Variants in PLCB1 observed in about 807,000 individuals in gnomAD.
PLCB1 encodes phospholipase C beta 1, also known as 1-phosphatidylinositol 4,5-bisphosphate phosphodiesterase beta-1.
PLCB1 carries 46 observed loss-of-function variants against 161.8 expected under a neutral mutation model. The observed-to-expected ratio is 0.28, with a 90% CI of 0.22 to 0.36. The LOEUF is 0.36. Among genes scored for constraint, PLCB1 ranks in the 10% least tolerant of loss-of-function variants. The pLI is 1.00. For missense variants in PLCB1, 1,016 were observed against 1,472.5 expected (o/e 0.69, Z 5.07); for synonymous variants, 517 against 503.7 (o/e 1.03, Z -0.35).
chr20:8,321,350 C>T (rs1984911745), intron 2 of PLCB1, among the ~76,000 whole-genome samples: 1 of 152,168 alleles, frequency 6.6e-6, no homozygotes, highest in Non-Finnish European at 1.5e-5. Context: ...CATCATACCT[C>T]TTATTGTTGT....
intron 3 of PLCB1, among the ~76,000 whole-genome samples, chr20:8,434,971 C>T (rs1024794848): frequency 6.6e-6 from 1 of 152,228 alleles, no homozygotes. Context: ...CACACACATA[C>T]AAACATTCTA....
chr20:8,190,521 G>T (rs1368936304), intron 2 of PLCB1, among the ~76,000 whole-genome samples: 1 of 152,114 alleles, frequency 6.6e-6, no homozygotes, highest in Non-Finnish European at 1.5e-5. Flanking sequence ...TATGATGGCA[G>T]AGCAAAGTGA....
intron 2 of PLCB1, among the ~76,000 whole-genome samples, chr20:8,202,467 G>A (rs1480139487): frequency 3.3e-5 from 5 of 152,270 alleles, no homozygotes; most frequent in South Asian, 4.1e-4. Context: ...GCTATTTTAT[G>A]TGTACACACA....
At chr20:8,734,000 C>T (rs776069555) in intron 19 of PLCB1, among the ~76,000 whole-genome samples, 38 of 148,688 alleles carry the variant, frequency 2.6e-4, no homozygotes, top group Non-Finnish European at 4.5e-4. Context: ...TGGTGGCGGG[C>T]GCCTGTAGTG....
intron 5 of PLCB1, among the ~76,000 whole-genome samples, chr20:8,647,452 C>T (rs1989199368): frequency 6.6e-6 from 1 of 152,124 alleles, no homozygotes; most frequent in African/African-American, 2.4e-5. Flanking sequence ...GATTGCTGGG[C>T]CTTAGCGTGT....
intron 3 of PLCB1, among the ~76,000 whole-genome samples, chr20:8,400,806 T>C (rs947693273): frequency 4.6e-5 from 7 of 152,116 alleles, no homozygotes; most frequent in Non-Finnish European, 1.0e-4. Flanking sequence ...TTGTTTCCGG[T>C]TTTTTGCTGC....
At chr20:8,239,903 G>T (rs544152734) in intron 2 of PLCB1, among the ~76,000 whole-genome samples, 1 of 152,030 alleles carries the variant, frequency 6.6e-6, no homozygotes, top group South Asian at 2.1e-4. Context: ...AAGGTTTTGG[G>T]TACAAATCTA....
At chr20:8,481,230 C>T (rs531647921) in intron 3 of PLCB1, among the ~76,000 whole-genome samples, 1 of 151,410 alleles carries the variant, frequency 6.6e-6, no homozygotes, top group East Asian at 1.9e-4. Context: ...ACCAGGCAGA[C>T]AAAAAAAACT....
At chr20:8,372,196 T>C (rs897972676) in intron 3 of PLCB1, 1 of 152,212 alleles carries the variant, frequency 6.6e-6, no homozygotes, top group Non-Finnish European at 1.5e-5. Context: ...AACATAGAAG[T>C]ACAGTTGCCA....
chr20:8,447,890 CTA>C (rs1459311867), intron 3 of PLCB1, among the ~76,000 whole-genome samples: 3 of 152,182 alleles, frequency 2.0e-5, no homozygotes, highest in Non-Finnish European at 2.9e-5. Flanking sequence ...ATTTCAGACT[CTA>C]TGTGTGTGTT....
At chr20:8,237,314 A>G (rs1980378424) in intron 2 of PLCB1, among the ~76,000 whole-genome samples, 1 of 152,042 alleles carries the variant, frequency 6.6e-6, no homozygotes, top group African/African-American at 2.4e-5. Flanking sequence ...TAAATAATAT[A>G]TAAATATGTT....
chr20:8,821,530 TATATATATATATATATATATATATATA>T (rs1985407590), intron 31 of PLCB1, among the ~76,000 whole-genome samples: 2 of 101,112 alleles, frequency 2.0e-5, no homozygotes, highest in Non-Finnish European at 3.5e-5. Flanking sequence ...TATATATATA[TATATATATATATATATATATATATATA>T]TTTAAATGAC....
chr20:8,664,368 G>GATACA (rs1296450582), intron 9 of PLCB1, among the ~76,000 whole-genome samples: 6 of 152,000 alleles, frequency 3.9e-5, no homozygotes, highest in Non-Finnish European at 5.9e-5. Flanking sequence ...TTTGGTTTTA[G>GATACA]GCAAAGTTCA....
intron 4 of PLCB1, among the ~76,000 whole-genome samples, chr20:8,634,408 A>T (rs1412937728): frequency 6.6e-6 from 1 of 152,046 alleles, no homozygotes; most frequent in Non-Finnish European, 1.5e-5. Flanking sequence ...TATGAGTGAG[A>T]TTTTCTGGAA....
intron 2 of PLCB1, among the ~76,000 whole-genome samples, chr20:8,197,348 G>A (rs2052036045): frequency 1.3e-5 from 2 of 152,038 alleles, no homozygotes; most frequent in Non-Finnish European, 2.9e-5. Context: ...TTTAATGATT[G>A]CCATTCTAAC....
intron 9 of PLCB1, among the ~76,000 whole-genome samples, chr20:8,684,577 G>GA (rs200540080): frequency 1.3e-5 from 2 of 151,736 alleles, no homozygotes; most frequent in African/African-American, 4.8e-5. Flanking sequence ...ACATTAATAA[G>GA]AAAAAAAATT....
chr20:8,733,834 T>G (rs1356739281), intron 19 of PLCB1, among the ~76,000 whole-genome samples: 1 of 147,456 alleles, frequency 6.8e-6, no homozygotes, highest in Non-Finnish European at 1.5e-5. Context: ...ATAAAAGTTT[T>G]GGTAGGGTCG....
At chr20:8,531,544 C>A (rs1036635523) in intron 3 of PLCB1, among the ~76,000 whole-genome samples, 1 of 151,986 alleles carries the variant, frequency 6.6e-6, no homozygotes, top group East Asian at 1.9e-4. Flanking sequence ...ATTAAGCCAG[C>A]CTTCTATATT....
chr20:8,812,824 T>C (rs1984895660), intron 31 of PLCB1, among the ~76,000 whole-genome samples: 1 of 152,194 alleles, frequency 6.6e-6, no homozygotes, highest in Non-Finnish European at 1.5e-5. Flanking sequence ...GAGTGAAATG[T>C]TGAAGAAACC....
Sources: gnomAD v4.1 joint callset for allele counts (sites outside exome capture counted in the v4.1 genomes callset) on GRCh38, gnomAD v4.1.1 for gene constraint, MANE v1.5 for transcripts, NCBI Gene and HGNC (gene_info 2026-07-23, HGNC 2026-07-21) for gene names.